USP7: variants seen among roughly 807,000 people sequenced by gnomAD.
USP7 encodes ubiquitin specific peptidase 7.
A neutral mutation model predicts 162.9 loss-of-function variants in USP7; 9 were observed. The ratio of observed to expected loss-of-function variants is 0.06; its 90% CI spans 0.03 to 0.10. USP7 has a LOEUF of 0.10. USP7 is among the 10% of genes least tolerant of loss of function. USP7 has a pLI of 1.00. For synonymous variants in USP7, 562 were observed against 475.9 expected, an observed-to-expected ratio of 1.18 and a Z score of -2.35; for missense variants, 715 against 1,373.7, an observed-to-expected ratio of 0.52 and a Z score of 7.58.
At chr16:8,916,804 G>C (rs1029206560) in intron 7 of USP7, among the ~76,000 whole-genome samples, 1 of 152,138 alleles carries the variant, frequency 6.6e-6, no homozygotes, top group East Asian at 1.9e-4. Flanking sequence ...AACCTTAAGC[G>C]GTGAATTCTT....
chr16:8,954,699 G>C (rs574045418), intron 1 of USP7, among the ~76,000 whole-genome samples: 2 of 152,282 alleles, frequency 1.3e-5, no homozygotes, highest in African/African-American at 2.4e-5. Flanking sequence ...TTGCAGGCCG[G>C]GCACGGTGGA....
intron 1 of USP7, among the ~76,000 whole-genome samples, chr16:8,941,376 A>C (rs1442796209): frequency 6.6e-6 from 1 of 152,250 alleles, no homozygotes; most frequent in Non-Finnish European, 1.5e-5. Context: ...TCTGCGGTTA[A>C]CAACTTTTTA....
intron 23 of USP7, 111 bp from the exon 24 acceptor site, chr16:8,898,750 T>C: frequency 1.2e-6 from 1 of 858,360 alleles, no homozygotes; most frequent in Non-Finnish European, 1.8e-6. Flanking sequence ...TCTTGAAATT[T>C]GGACCTAGCA....
chr16:8,925,529 T>G (rs563236171), intron 2 of USP7, among the ~76,000 whole-genome samples: 26 of 152,318 alleles, frequency 1.7e-4, no homozygotes, highest in African/African-American at 6.3e-4. Flanking sequence ...TTTCACCCTA[T>G]ACATTAAATT....
chr16:8,953,164 G>A (rs1268206026), intron 1 of USP7, among the ~76,000 whole-genome samples: 1 of 151,948 alleles, frequency 6.6e-6, no homozygotes, highest in Non-Finnish European at 1.5e-5. Context: ...CAGCTGTGTC[G>A]CCTTCTCTGT....
intron 13 of USP7, 118 bp downstream of exon 13, chr16:8,906,308 T>C (rs1596361644): frequency 1.7e-6 from 2 of 1,164,772 alleles, no homozygotes; most frequent in East Asian, 2.4e-5. Flanking sequence ...AGCCAGAGAA[T>C]ACATAGATCA....
chr16:8,926,951 G>A (rs1898036674), intron 2 of USP7, among the ~76,000 whole-genome samples: 1 of 152,174 alleles, frequency 6.6e-6, no homozygotes, highest in African/African-American at 2.4e-5. Flanking sequence ...AGTTCCCACT[G>A]TGCACTTTGT....
chr16:8,936,794 G>C, intron 1 of USP7: 1 of 1,279,572 alleles, frequency 7.8e-7, no homozygotes, highest in Non-Finnish European at 1.0e-6. Flanking sequence ...ATTTAGATAA[G>C]GCAGTCCAGG....
At chr16:8,937,098 T>C (rs746779922) in intron 1 of USP7, among the ~76,000 whole-genome samples, 1 of 152,172 alleles carries the variant, frequency 6.6e-6, no homozygotes, top group Non-Finnish European at 1.5e-5. Context: ...GAATAATTGA[T>C]GTAAGTGAAA....
At position 8,894,161 on chromosome 16, in the gene USP7, C is replaced by T. The variant is rs142036589; in HGVS notation, c.3203-57G>A. Reference sequence around the variant, plus strand: ...ACAGAGCAGCCCTGGAACCCCTCAGCGGGGTGGTGGCCAGTGAGGCATGCA... The same window carrying T: ...ACAGAGCAGCCCTGGAACCCCTCAGTGGGGTGGTGGCCAGTGAGGCATGCA... On this transcript the variant is annotated intron_variant, in intron 30 of 30. Coordinates refer to ENST00000344836, the MANE Select transcript of USP7 (RefSeq NM_003470.3). 1,141 of 1,522,364 alleles carry T rather than the reference C, an allele frequency of 7.5e-4. 5 individuals carry two copies. The African/African-American group carries it at 0.012, about 16-fold the overall frequency. 94.3% of individuals were successfully genotyped at this position (1,522,364 alleles called of 1,614,324 possible).
Position 8,892,897 on chromosome 16 carries a change from A to AAT in USP7, c.*1099_*1100dup, listed in dbSNP as rs1443543531. On this transcript the variant is annotated 3_prime_UTR_variant, in exon 31 of 31. Transcript: ENST00000344836. ...CAAAAAATACCGGAAAAGGATGAAA[A>AAT]ATAAGAGTGATTTGCTGATTCTATT... 6.6e-6 allele frequency: 1 copy of AAT among 152,212 alleles called. No homozygotes were observed. Among genetic ancestry groups the AAT allele is most frequent in the Non-Finnish European group, 1.5e-5 (1 of 68,032 alleles). 9.4% of individuals were successfully genotyped at this position (152,212 alleles called of 1,614,324 possible).
At chr16:8,908,972 C>T (rs2141187029) in intron 11 of USP7, among the ~76,000 whole-genome samples, 1 of 152,306 alleles carries the variant, frequency 6.6e-6, no homozygotes, top group South Asian at 2.1e-4. Context: ...CATAAGAACC[C>T]ATATATCACA....
chr16:8,956,771 A>C lies in USP7; in HGVS notation c.79+6436T>G, dbSNP rs530171549. 4.2e-3 allele frequency among the ~76,000 whole-genome samples: 553 copies of C among 132,216 alleles called. 2 individuals are homozygous for C. Among genetic ancestry groups the C allele is most frequent in the African/African-American group, 0.013 (524 of 39,140 alleles). The allele number at this position is 132,216 out of a possible 152,430, so 86.7% of individuals were successfully genotyped here. A position where few individuals can be genotyped will look rare whatever the true frequency, so the allele number is the denominator to read the frequency against. Reference sequence around the variant, plus strand: ...AATTAAGACTTCGTATTAAAAAAACAAAAACAAAAAAAAAAAAACACTGAA... The same window carrying C: ...AATTAAGACTTCGTATTAAAAAAACCAAAACAAAAAAAAAAAAACACTGAA... On this transcript the variant is annotated intron_variant, in intron 1 of 30. Coordinates refer to ENST00000344836, the MANE Select transcript of USP7 (RefSeq NM_003470.3).
chr16:8,949,163 A>C (rs1308771416), intron 1 of USP7, among the ~76,000 whole-genome samples: 1 of 152,242 alleles, frequency 6.6e-6, no homozygotes, highest in South Asian at 2.1e-4. Flanking sequence ...TATGTGAATT[A>C]TCTCTCAATG....
At chr16:8,894,473 C>G (rs2061651012) in intron 30 of USP7, 77 bp downstream of exon 30, 2 of 1,467,290 alleles carry the variant, frequency 1.4e-6, no homozygotes, top group South Asian at 2.4e-5. Context: ...GACCCTGGGG[C>G]TGCCCCTCCC....
chr16:8,943,417 G>A (rs971190442), intron 1 of USP7, among the ~76,000 whole-genome samples: 9 of 152,172 alleles, frequency 5.9e-5, no homozygotes, highest in African/African-American at 1.7e-4. Context: ...GTTGCAGCAC[G>A]CACGGCCGGA....
intron 14 of USP7, 70 bp from the exon 15 acceptor site, chr16:8,904,635 G>T: frequency 6.4e-7 from 1 of 1,569,368 alleles, no homozygotes; most frequent in Non-Finnish European, 8.6e-7. Context: ...CCCGATTCTA[G>T]GTCATCATTA....
At chr16:8,916,965 G>C in intron 7 of USP7, 61 bp downstream of exon 7, 1 of 1,049,922 alleles carries the variant, frequency 9.5e-7, no homozygotes, top group Non-Finnish European at 1.3e-6. Context: ...CTACTCACTT[G>C]TCCTAAAAAA....
intron 1 of USP7, among the ~76,000 whole-genome samples, chr16:8,935,466 C>T (rs1898651871): frequency 6.6e-6 from 1 of 152,222 alleles, no homozygotes; most frequent in Admixed American, 6.5e-5. Flanking sequence ...GCACCTCGGC[C>T]TCCCAAAGTG....
Sources: gnomAD v4.1 joint callset for allele counts (sites outside exome capture counted in the v4.1 genomes callset) on GRCh38, gnomAD v4.1.1 for gene constraint, MANE v1.5 for transcripts, NCBI Gene and HGNC (gene_info 2026-07-23, HGNC 2026-07-21) for gene names.